RBMX2: variants seen among roughly 807,000 people sequenced by gnomAD.
The protein encoded by RBMX2 is RNA binding motif protein X-linked 2, also known as RNA-binding motif protein, X-linked 2.
For missense variants in RBMX2, 191 were observed against 256.0 expected (o/e 0.75, Z 1.73); for synonymous variants, 77 against 94.3 (o/e 0.82, Z 1.07).
At chrX:130,408,499 T>A in intron 3 of RBMX2, among the ~76,000 whole-genome samples, 1 of 112,475 alleles carries the variant, frequency 8.9e-6, no homozygotes, top group East Asian at 2.8e-4. Flanking sequence ...TATTTTTTTT[T>A]AATTTTGCTT....
chrX:130,411,938 T>G (rs925139056), intron 5 of RBMX2, among the ~76,000 whole-genome samples: 11 of 111,210 alleles, frequency 9.9e-5, no homozygotes, highest in Non-Finnish European at 7.6e-5. Flanking sequence ...ATTCCCCACT[T>G]CCTAGCATGT....
chrX:130,403,563 G>A (rs1362743665), intron 2 of RBMX2, among the ~76,000 whole-genome samples: 2 of 110,910 alleles, frequency 1.8e-5, no homozygotes, highest in Non-Finnish European at 3.8e-5. Flanking sequence ...AGTAGAGCCG[G>A]GGTTTCGCCA....
intron 1 of RBMX2, 108 bp from the exon 2 acceptor site, chrX:130,402,147 G>A (rs1363566528): frequency 7.7e-6 from 9 of 1,161,751 alleles, no homozygotes; most frequent in Non-Finnish European, 1.0e-5. Context: ...GCGGCGCGGG[G>A]ACTGGAACAG....
chrX:130,409,420 T>G (rs750366499), intron 4 of RBMX2, 34 bp downstream of exon 4: 6 of 1,184,465 alleles, frequency 5.1e-6, no homozygotes, highest in Non-Finnish European at 5.7e-6. Flanking sequence ...TGGTTGGACT[T>G]TTTTCCCATG....
At chrX:130,408,752 A>G (rs1308539494) in intron 3 of RBMX2, among the ~76,000 whole-genome samples, 1 of 111,867 alleles carries the variant, frequency 8.9e-6, no homozygotes, top group Non-Finnish European at 1.9e-5. Flanking sequence ...TATGTATCTA[A>G]TAGTCCTACA....
chrX:130,408,769 T>C (rs1435310977), intron 3 of RBMX2, among the ~76,000 whole-genome samples: 2 of 112,150 alleles, frequency 1.8e-5, no homozygotes, highest in Non-Finnish European at 3.8e-5. Flanking sequence ...TACATTAATA[T>C]TTGTTATTAT....
chrX:130,406,673 C>CAAAA (rs760646561), intron 3 of RBMX2, among the ~76,000 whole-genome samples: 30 of 58,745 alleles, frequency 5.1e-4, no homozygotes, highest in East Asian at 3.0e-3. Flanking sequence ...ACTCTGTCTC[C>CAAAA]AAAAAAAAAA....
chrX:130,406,744 A>G (rs1253014969), intron 3 of RBMX2, among the ~76,000 whole-genome samples: 1 of 110,887 alleles, frequency 9.0e-6, no homozygotes, highest in Non-Finnish European at 1.9e-5. Flanking sequence ...GTATAAATGT[A>G]ATGATCTATC....
intron 3 of RBMX2, 127 bp downstream of exon 3, chrX:130,403,980 C>A: frequency 1.6e-6 from 1 of 633,118 alleles, no homozygotes; most frequent in Non-Finnish European, 2.6e-6. Context: ...ATGGGGAGGG[C>A]TGGAGCTTCT....
intron 4 of RBMX2, among the ~76,000 whole-genome samples, chrX:130,410,972 C>T (rs950925158): frequency 5.3e-5 from 6 of 112,270 alleles, no homozygotes; most frequent in African/African-American, 1.9e-4. Flanking sequence ...ACTTAGGTTA[C>T]AGATCAAGGG....
intron 4 of RBMX2, 87 bp downstream of exon 4, chrX:130,409,473 G>A: frequency 1.0e-6 from 1 of 1,000,148 alleles, no homozygotes. Flanking sequence ...AGACACAAGG[G>A]CAGCACTTGT....
At chrX:130,408,734 A>G (rs1484771828) in intron 3 of RBMX2, among the ~76,000 whole-genome samples, 1 of 111,975 alleles carries the variant, frequency 8.9e-6, no homozygotes, top group Non-Finnish European at 1.9e-5. Context: ...GTAGGATTCA[A>G]AGATATCTAT....
At chrX:130,402,229 T>TGCCCCCC in intron 1 of RBMX2, 26 bp from the exon 2 acceptor site, 1 of 723,011 alleles carries the variant, frequency 1.4e-6, no homozygotes, top group Non-Finnish European at 1.9e-6. Context: ...CTGCCTACCC[T>TGCCCCCC]CCCCACCCCC....
chrX:130,407,863 T>C (rs768038579), intron 3 of RBMX2, among the ~76,000 whole-genome samples: 5 of 111,043 alleles, frequency 4.5e-5, no homozygotes, highest in Non-Finnish European at 9.4e-5. Flanking sequence ...TCTGGCCGTA[T>C]TGTCCAGGCT....
At chrX:130,402,109 A>G in intron 1 of RBMX2, 72 bp downstream of exon 1, 2 of 1,175,224 alleles carry the variant, frequency 1.7e-6, no homozygotes, top group African/African-American at 1.7e-5. Flanking sequence ...CTGGTGTGGT[A>G]GAGCGTCTGC....
At chrX:130,403,985 G>A in intron 3 of RBMX2, 132 bp downstream of exon 3, 1 of 625,872 alleles carries the variant, frequency 1.6e-6, no homozygotes, top group South Asian at 2.5e-5. Flanking sequence ...GAGGGCTGGA[G>A]CTTCTGTTCT....
Position 130,402,049 on chromosome X carries a change from G to C in RBMX2, c.5+12G>C. On this transcript the variant is annotated intron_variant, in intron 1 of 5. Coordinates refer to ENST00000305536, the MANE Select transcript of RBMX2 (RefSeq NM_016024.4). The stretch of plus-strand genomic sequence containing the variant: ...CCCGAGGAGATGAAGTAAGGCGTCA[G>C]CTTCCTTTTGAGGAAGGAGCAGCGG... 8.3e-7 allele frequency: 1 copy of C among 1,198,296 alleles called. No individual in the cohort carries two copies. Among genetic ancestry groups the C allele is most frequent in the South Asian group, 1.8e-5 (1 of 54,731 alleles).
chrX:130,403,535 A>AT (rs1362701602), intron 2 of RBMX2, among the ~76,000 whole-genome samples: 24 of 109,361 alleles, frequency 2.2e-4, no homozygotes, highest in South Asian at 1.2e-3. Flanking sequence ...CACCTGGCTG[A>AT]TTTTTTTTTG....
At chrX:130,408,033 G>T (rs768712192) in intron 3 of RBMX2, among the ~76,000 whole-genome samples, 3 of 110,836 alleles carry the variant, frequency 2.7e-5, no homozygotes, top group Non-Finnish European at 3.8e-5. Flanking sequence ...TAGAGACAGG[G>T]TCTTGTTCTG....
Sources: gnomAD v4.1 joint callset for allele counts (sites outside exome capture counted in the v4.1 genomes callset) on GRCh38, gnomAD v4.1.1 for gene constraint, MANE v1.5 for transcripts, NCBI Gene and HGNC (gene_info 2026-07-23, HGNC 2026-07-21) for gene names.